The following SEMA3A variants were observed in gnomAD, a reference collection of about 807,000 sequenced individuals.
The protein encoded by SEMA3A is semaphorin 3A.
SEMA3A carries 29 observed loss-of-function variants against 97.9 expected under a neutral mutation model. That is an observed-to-expected ratio of 0.30 (90% CI 0.22 to 0.40). SEMA3A has a LOEUF of 0.40. Among genes scored for constraint, SEMA3A ranks in the 10% least tolerant of loss-of-function variants. The probability of loss-of-function intolerance (pLI) is 1.00; values close to 1 mark genes in which losing one functional copy is unlikely to be tolerated. For missense variants in SEMA3A, 763 were observed against 951.3 expected, an observed-to-expected ratio of 0.80 and a Z score of 2.60; for synonymous variants, 321 against 323.7, an observed-to-expected ratio of 0.99 and a Z score of 0.09.
intron 1 of SEMA3A, among the ~76,000 whole-genome samples, chr7:84,153,614 A>G (rs1372015168): frequency 6.6e-6 from 1 of 152,134 alleles, no homozygotes; most frequent in African/African-American, 2.4e-5. Flanking sequence ...TCTTTCCTTA[A>G]ATGTATTTTT....
chr7:84,440,589 C>A (rs2715045), intron 1 of SEMA3A, among the ~76,000 whole-genome samples: 21,551 of 152,050 alleles, frequency 0.14, 3,133 homozygotes, highest in African/African-American at 0.36. Context: ...CATCAAAAAG[C>A]AACTGCATAT....
At position 84,317,646 on chromosome 7, in the gene SEMA3A, T is replaced by C. The variant is rs535771130; in HGVS notation, c.-168-10354A>G. Among the ~76,000 whole-genome samples, 8 of 152,314 alleles carry C rather than the reference T, an allele frequency of 5.3e-5. No homozygotes were observed. In the South Asian group the frequency reaches 1.7e-3, roughly 32 times the overall value. On this transcript the variant is annotated intron_variant, in intron 2 of 3. Transcript: ENST00000424555. ...GGCATCTGCTTTTCTTATTCTAAAA[T>C]TTGTGGTTTATTTCACATTCACCAT...
chr7:84,180,680 G>A (rs750486299), intron 1 of SEMA3A, among the ~76,000 whole-genome samples: 3 of 151,996 alleles, frequency 2.0e-5, no homozygotes, highest in Middle Eastern at 3.4e-3. Flanking sequence ...AGAGCGAGAC[G>A]TCATCTCAAA....
At chr7:84,194,383 T>G in intron 1 of SEMA3A, 92 bp downstream of exon 1, 3 of 786,320 alleles carry the variant, frequency 3.8e-6, no homozygotes, top group Non-Finnish European at 6.5e-6. Flanking sequence ...AAACTAAAGG[T>G]TTGATGATTT....
chr7:84,450,537 A>G (rs1206077837), intron 1 of SEMA3A, among the ~76,000 whole-genome samples: 1 of 152,208 alleles, frequency 6.6e-6, no homozygotes, highest in Non-Finnish European at 1.5e-5. Flanking sequence ...TGGCACATGT[A>G]GACAAGACTC....
intron 2 of SEMA3A, among the ~76,000 whole-genome samples, chr7:84,321,384 G>A (rs969130769): frequency 6.6e-6 from 1 of 152,136 alleles, no homozygotes; most frequent in African/African-American, 2.4e-5. Flanking sequence ...TTATGAAAGT[G>A]CAACAGAGAC....
At chr7:84,292,688 A>G (rs944599986) in intron 3 of SEMA3A, among the ~76,000 whole-genome samples, 1 of 152,082 alleles carries the variant, frequency 6.6e-6, no homozygotes, top group African/African-American at 2.4e-5. Flanking sequence ...ACCACAGAGG[A>G]TAACATTAGT....
chr7:84,417,558 T>A (rs1453463558), intron 1 of SEMA3A, among the ~76,000 whole-genome samples: 1 of 152,126 alleles, frequency 6.6e-6, no homozygotes, highest in African/African-American at 2.4e-5. Context: ...AGTTTTAAAT[T>A]TTTTAGTGAC....
chr7:84,311,607 G>A (rs912743773), intron 2 of SEMA3A, among the ~76,000 whole-genome samples: 1 of 151,826 alleles, frequency 6.6e-6, no homozygotes, highest in African/African-American at 2.4e-5. Flanking sequence ...ATATACATTA[G>A]GCACCATAGA....
At chr7:84,453,396 C>T (rs1295551300) in intron 1 of SEMA3A, among the ~76,000 whole-genome samples, 1 of 151,882 alleles carries the variant, frequency 6.6e-6, no homozygotes, top group African/African-American at 2.4e-5. Flanking sequence ...GCCACCTCGC[C>T]CGGCTAATTT....
At chr7:84,114,480 T>C (rs957847812) in intron 3 of SEMA3A, among the ~76,000 whole-genome samples, 1 of 152,140 alleles carries the variant, frequency 6.6e-6, no homozygotes, top group African/African-American at 2.4e-5. Context: ...TTCTATCCCA[T>C]CGATAGTTTG....
chr7:84,432,783 C>T (rs1026632285), intron 1 of SEMA3A, among the ~76,000 whole-genome samples: 2 of 151,834 alleles, frequency 1.3e-5, no homozygotes, highest in Admixed American at 1.3e-4. Context: ...TTTATCAAAT[C>T]CACCATTGAT....
At chr7:84,424,516 ATATATGT>A (rs1283959984) in intron 1 of SEMA3A, among the ~76,000 whole-genome samples, 22 of 75,058 alleles carry the variant, frequency 2.9e-4, no homozygotes, top group South Asian at 1.1e-3. Context: ...ATAAATATTA[ATATATGT>A]TATATATAAT....
At chr7:84,142,691 C>A (rs945571317) in intron 1 of SEMA3A, among the ~76,000 whole-genome samples, 1 of 152,140 alleles carries the variant, frequency 6.6e-6, no homozygotes. Context: ...TGTTTTTACA[C>A]AGTAATAACT....
intron 3 of SEMA3A, among the ~76,000 whole-genome samples, chr7:84,251,839 C>G (rs1799617379): frequency 1.3e-5 from 2 of 152,110 alleles, no homozygotes; most frequent in South Asian, 4.1e-4. Context: ...TCTTTTCCTA[C>G]TCATGTGAGC....
intron 3 of SEMA3A, among the ~76,000 whole-genome samples, chr7:84,113,440 T>A (rs767900511): frequency 1.9e-4 from 29 of 152,176 alleles, no homozygotes; most frequent in Non-Finnish European, 3.5e-4. Context: ...AAGAAGGAAG[T>A]GTGGCAGAAA....
At chr7:84,062,341 C>G (rs1481337395) in intron 4 of SEMA3A, among the ~76,000 whole-genome samples, 1 of 152,058 alleles carries the variant, frequency 6.6e-6, no homozygotes, top group Admixed American at 6.5e-5. Flanking sequence ...ATATTCTATT[C>G]AAAAACTTAG....
chr7:84,080,027 A>C (rs1424217113), intron 4 of SEMA3A, among the ~76,000 whole-genome samples: 8 of 146,176 alleles, frequency 5.5e-5, no homozygotes, highest in Middle Eastern at 3.4e-3. Context: ...GCAGCCATAA[A>C]AAATGATGAG....
intron 15 of SEMA3A, among the ~76,000 whole-genome samples, chr7:83,976,193 G>A (rs1310243511): frequency 6.6e-6 from 1 of 152,092 alleles, no homozygotes; most frequent in African/African-American, 2.4e-5. Context: ...TGGAATGTAT[G>A]CTGGGGTTCT....
Sources: gnomAD v4.1 joint callset for allele counts (sites outside exome capture counted in the v4.1 genomes callset) on GRCh38, gnomAD v4.1.1 for gene constraint, MANE v1.5 for transcripts, NCBI Gene and HGNC (gene_info 2026-07-23, HGNC 2026-07-21) for gene names.